ALDH3A2: variants seen among roughly 807,000 people sequenced by gnomAD.
ALDH3A2 encodes aldehyde dehydrogenase 3 family member A2, also known as aldehyde dehydrogenase family 3 member A2.
ALDH3A2 carries 36 observed loss-of-function variants against 51.3 expected under a neutral mutation model. The ratio of observed to expected loss-of-function variants is 0.70; its 90% CI spans 0.54 to 0.93. ALDH3A2 has a LOEUF of 0.93. Among genes scored for constraint, ALDH3A2 ranks in the 40% least tolerant of loss-of-function variants. ALDH3A2 has a pLI of 0.00. For missense variants in ALDH3A2, 552 were observed against 603.1 expected, an observed-to-expected ratio of 0.92 and a Z score of 0.89; for synonymous variants, 199 against 219.8, an observed-to-expected ratio of 0.91 and a Z score of 0.84.
At chr17:19,673,122 T>A (rs201423043) in intron 9 of ALDH3A2, 47 of 1,613,982 alleles carry the variant, frequency 2.9e-5, no homozygotes, top group Non-Finnish European at 3.9e-5. Flanking sequence ...AGATACCAGT[T>A]GCATTTGAAA....
At chr17:19,669,486 T>G (rs2085083339) in intron 8 of ALDH3A2, among the ~76,000 whole-genome samples, 1 of 152,194 alleles carries the variant, frequency 6.6e-6, no homozygotes, top group Non-Finnish European at 1.5e-5. Flanking sequence ...TAGGGTTTTC[T>G]CATTGGTTGC....
intron 5 of ALDH3A2, among the ~76,000 whole-genome samples, chr17:19,659,862 G>T (rs2084945041): frequency 6.6e-6 from 1 of 151,036 alleles, no homozygotes; most frequent in African/African-American, 2.4e-5. Context: ...AAAAAAAAGA[G>T]AAAATTATGT....
At chr17:19,664,380 T>C (rs1265586058) in intron 7 of ALDH3A2, among the ~76,000 whole-genome samples, 1 of 152,198 alleles carries the variant, frequency 6.6e-6, no homozygotes, top group Admixed American at 6.5e-5. Flanking sequence ...TGAACAATTG[T>C]CAAGGGCTTG....
At chr17:19,671,567 G>C (rs2085113934) in intron 8 of ALDH3A2, among the ~76,000 whole-genome samples, 154 bp from the exon 9 acceptor site, 1 of 152,200 alleles carries the variant, frequency 6.6e-6, no homozygotes, top group African/African-American at 2.4e-5. Flanking sequence ...AAGTTGGTAA[G>C]GACTTCCTGA....
upstream of ALDH3A2, chr17:19,648,646 C>A: frequency 2.4e-6 from 1 of 420,368 alleles, no homozygotes. Flanking sequence ...TCCCAGCCCG[C>A]TGCCAGAGCC....
chr17:19,649,156 CTG>C (rs753914450), intron 1 of ALDH3A2, 32 bp downstream of exon 1: 4 of 1,543,088 alleles, frequency 2.6e-6, no homozygotes, highest in Non-Finnish European at 8.8e-7. Context: ...TGTGGGGAAA[CTG>C]GCCCCCGCCG....
At chr17:19,675,465 C>CT in intron 9 of ALDH3A2, 93 bp from the exon 10 acceptor site, 1 of 1,271,600 alleles carries the variant, frequency 7.9e-7, no homozygotes, top group Non-Finnish European at 1.2e-6. Context: ...CAGGAGGTGT[C>CT]TGAGTCCCAG....
rs1452392250 is a variant in ALDH3A2, at chr17:19,654,366, G to A, written c.471+1734G>A. Among the ~76,000 whole-genome samples the A allele has an allele frequency of 3.9e-5, 6 of 152,232 alleles. No homozygotes were observed. The highest frequency in any genetic ancestry group is 1.3e-4 in the Admixed American group (2 of 15,288). The stretch of plus-strand genomic sequence containing the variant: ...GACTGGGCGCTGTGGAGCAGGGGGC[G>A]GCGCCCATCAGGGAGGCTCGGGCAG... On this transcript the variant is annotated intron_variant, in intron 3 of 9. Transcript: ENST00000176643. The surrounding 1 kb of genome is among the most constrained non-coding windows in gnomAD (Gnocchi z 4.5).
intron 8 of ALDH3A2, among the ~76,000 whole-genome samples, chr17:19,670,385 A>T (rs1398570181): frequency 6.6e-6 from 1 of 151,290 alleles, no homozygotes; most frequent in African/African-American, 2.4e-5. Context: ...TTTGCTTTTT[A>T]TTTATTTTTT....
chr17:19,671,479 C>G (rs2085111967), intron 8 of ALDH3A2, among the ~76,000 whole-genome samples: 1 of 152,240 alleles, frequency 6.6e-6, no homozygotes, highest in Non-Finnish European at 1.5e-5. Context: ...ATGAGAGCCA[C>G]AGCTCTAGAA....
chr17:19,648,992 G>C lies in ALDH3A2; in HGVS notation c.21G>C (p.Arg7=). The C allele has an allele frequency of 1.3e-6, 2 of 1,586,338 alleles. No individual in the cohort carries two copies. Among genetic ancestry groups the C allele is most frequent in the South Asian group, 1.1e-5 (1 of 87,196 alleles). Residue 7 remains arginine, a synonymous_variant, in exon 1 of 10, where the codon CGG becomes CGC. Transcript: ENST00000176643. ...AGGCCATGGAGCTCGAAGTCCGGCG[G>C]GTCCGACAGGCGTTCCTGTCCGGCC... MELEVR[R]VRQAFLSGRS...
At position 19,663,376 on chromosome 17, in the gene ALDH3A2, G is replaced by C. The variant is rs72547572; in HGVS notation, c.984G>C (p.Met328Ile). The C allele has an allele frequency of 1.9e-6, 3 of 1,614,188 alleles. No homozygotes were observed. Among genetic ancestry groups the C allele is most frequent in the Non-Finnish European group, 2.5e-6 (3 of 1,180,030 alleles). ...ATGTTGATCCTAAAACCAAGGTGAT[G>C]CAAGAAGAAATTTTTGGACCAATTC... Reference protein sequence around the residue: ...LTDVDPKTKVMQEEIFGPILP... With the variant: ...LTDVDPKTKVIQEEIFGPILP... The change falls in exon 7 of 10, where the codon ATG becomes ATC. Residue 328 changes from methionine to isoleucine, a missense_variant. By Grantham distance (10) the Met-to-Ile change is conservative (BLOSUM62 1). Coordinates refer to ENST00000176643, the MANE Select transcript of ALDH3A2 (RefSeq NM_000382.3).
rs2085176263 is a variant in ALDH3A2 at position 19,675,540 on chromosome 17, CTTTTT to C, written c.1444-16_1444-12del. 6.2e-7 allele frequency: 1 copy of C among 1,613,234 alleles called. No homozygotes were observed. Among genetic ancestry groups the C allele is most frequent in the Admixed American group, 1.7e-5 (1 of 59,998 alleles). ...TTAAAGCAGCTGAGTAAACTGAATC[CTTTTT>C]TCCTCTCTCCAGGCAGAATATTACT... is the stretch of plus-strand genomic sequence containing the variant. On this transcript the variant is annotated splice_polypyrimidine_tract_variant and intron_variant, in intron 9 of 9. Transcript: ENST00000176643.
intron 3 of ALDH3A2, 81 bp downstream of exon 3, chr17:19,652,713 T>C (rs2084832982): frequency 1.6e-6 from 2 of 1,250,504 alleles, no homozygotes; most frequent in African/African-American, 3.0e-5. Context: ...TTGCATGTTA[T>C]TGCTGGCCGG....
At chr17:19,670,786 C>T (rs970403450) in intron 8 of ALDH3A2, among the ~76,000 whole-genome samples, 11 of 152,218 alleles carry the variant, frequency 7.2e-5, no homozygotes, top group African/African-American at 2.7e-4. Flanking sequence ...TGGTCTTGAT[C>T]TCTTGACCTT....
Position 19,653,365 on chromosome 17 carries a change from C to T in ALDH3A2, c.471+733C>T, listed in dbSNP as rs894257210. ...CATGTGTCTGGAATTGGTGGGTTCT[C>T]GGTCTCACTGACTTCAAGAATGAAG... On this transcript the variant is annotated intron_variant, in intron 3 of 9. Transcript: ENST00000176643. 5.9e-5 allele frequency among the ~76,000 whole-genome samples: 9 copies of T among 152,104 alleles called. No homozygotes were observed. In the East Asian group the frequency reaches 1.2e-3, roughly 20 times the overall value.
intron 5 of ALDH3A2, 30 bp downstream of exon 5, chr17:19,657,892 ATTT>A (rs1336273165): frequency 6.6e-7 from 1 of 1,509,554 alleles, no homozygotes; most frequent in Admixed American, 1.7e-5. Flanking sequence ...GATTCCACTG[ATTT>A]TAATAAGATA....
chr17:19,671,338 G>A (rs1442987733), intron 8 of ALDH3A2, among the ~76,000 whole-genome samples: 1 of 152,178 alleles, frequency 6.6e-6, no homozygotes, highest in East Asian at 1.9e-4. Flanking sequence ...TGTGACCCTG[G>A]GCAGGTTAAC....
intron 5 of ALDH3A2, among the ~76,000 whole-genome samples, chr17:19,658,113 C>CT (rs925037259): frequency 1.8e-4 from 27 of 152,252 alleles, no homozygotes; most frequent in Non-Finnish European, 1.2e-4. Context: ...GTGGCATATA[C>CT]TTTTTTTAAA....
Sources: gnomAD v4.1 joint callset for allele counts (sites outside exome capture counted in the v4.1 genomes callset) on GRCh38, gnomAD v4.1.1 for gene constraint, Gnocchi (gnomAD v3.1) non-coding constraint, MANE v1.5 for transcripts, NCBI Gene and HGNC (gene_info 2026-07-23, HGNC 2026-07-21) for gene names.